Variants in DNAJB6 observed in about 807,000 individuals in gnomAD.
DNAJB6 encodes the protein dnaJ homolog subfamily B member 6.
Under a neutral mutation model 42.7 loss-of-function variants are expected in DNAJB6, and 16 were observed. The ratio of observed to expected loss-of-function variants is 0.37; its 90% CI spans 0.25 to 0.57. DNAJB6 has a LOEUF of 0.57. DNAJB6 is among the 20% of genes least tolerant of loss of function. The probability of loss-of-function intolerance (pLI) is 0.74; values close to 1 mark genes in which losing one functional copy is unlikely to be tolerated. For synonymous variants in DNAJB6, 170 were observed against 163.5 expected (o/e 1.04, Z -0.30); for missense variants, 347 against 416.8 (o/e 0.83, Z 1.46).
chr7:157,398,092 G>A (rs951141448), intron 8 of DNAJB6, among the ~76,000 whole-genome samples: 1 of 152,202 alleles, frequency 6.6e-6, no homozygotes, highest in African/African-American at 2.4e-5. Flanking sequence ...TTCCCCAGCA[G>A]ATGGCGTCTG....
In DNAJB6 at chr7:157,367,373, GTGGAAGTCATTT is replaced by G; in HGVS notation, c.239_250del (p.Gly80_Phe83del). The G allele has an allele frequency of 1.9e-6, 3 of 1,596,590 alleles. No homozygotes were observed. Among genetic ancestry groups the G allele is most frequent in the Non-Finnish European group, 2.6e-6 (3 of 1,164,170 alleles). On this transcript the variant is annotated inframe_deletion and splice_region_variant, in exon 5 of 10. Transcript: ENST00000262177. ...TAAAAGCTGTGTTGTATTTGTGCAGGTGGAAGTCATTTTGACAGTCCATTTGAATTTGGCTTC... is the reference window on the plus strand; with the variant it reads ...TAAAAGCTGTGTTGTATTTGTGCAGGTGACAGTCCATTTGAATTTGGCTTC...
intron 8 of DNAJB6, among the ~76,000 whole-genome samples, chr7:157,396,215 C>T (rs1266632635): frequency 6.6e-6 from 1 of 152,208 alleles, no homozygotes; most frequent in Non-Finnish European, 1.5e-5. Context: ...TCCCAAAGTG[C>T]TGGGATTACA....
chr7:157,364,985 TCTGTTG>T (rs1204044656), intron 3 of DNAJB6, among the ~76,000 whole-genome samples: 1 of 152,238 alleles, frequency 6.6e-6, no homozygotes, highest in Non-Finnish European at 1.5e-5. Flanking sequence ...GGGGTCTCAC[TCTGTTG>T]CCCAGGCTGG....
At chr7:157,380,228 C>G (rs909874395) in intron 5 of DNAJB6, 1 of 152,118 alleles carries the variant, frequency 6.6e-6, no homozygotes, top group African/African-American at 2.4e-5. Flanking sequence ...GTTGTAGATA[C>G]GTGAGATAGA....
intron 9 of DNAJB6, among the ~76,000 whole-genome samples, chr7:157,415,743 A>G (rs1006101287): frequency 2.6e-5 from 4 of 152,022 alleles, no homozygotes; most frequent in Non-Finnish European, 4.4e-5. Context: ...GGGTAGTCCC[A>G]GGGTGGGCTT....
At chr7:157,360,561 T>C (rs1333283979) in intron 2 of DNAJB6, among the ~76,000 whole-genome samples, 1 of 152,234 alleles carries the variant, frequency 6.6e-6, no homozygotes, top group Non-Finnish European at 1.5e-5. Flanking sequence ...GGTTGCTGAG[T>C]GTCTCTAGCA....
chr7:157,361,352 T>C (rs1303464386), intron 2 of DNAJB6, among the ~76,000 whole-genome samples: 1 of 151,982 alleles, frequency 6.6e-6, no homozygotes, highest in Non-Finnish European at 1.5e-5. Flanking sequence ...AGAGACGGGG[T>C]TTCACCATGT....
chr7:157,356,450 T>C (rs1037942835), intron 1 of DNAJB6, among the ~76,000 whole-genome samples: 6 of 152,332 alleles, frequency 3.9e-5, no homozygotes, highest in African/African-American at 1.2e-4. Context: ...CTCCTGTCTT[T>C]TCTCTAGAGA....
At chr7:157,405,075 TG>T (rs760963555) in intron 8 of DNAJB6, among the ~76,000 whole-genome samples, 12 of 152,184 alleles carry the variant, frequency 7.9e-5, no homozygotes, top group Non-Finnish European at 1.3e-4. Flanking sequence ...GCAGGGTCCT[TG>T]GGTCACTGAC....
chr7:157,342,377 G>A (rs905894369), intron 1 of DNAJB6, among the ~76,000 whole-genome samples: 2 of 82,208 alleles, frequency 2.4e-5, no homozygotes, highest in Non-Finnish European at 4.5e-5. Flanking sequence ...CACTCTTGTT[G>A]CCCAGGCTGG....
chr7:157,357,520 A>G (rs1390273188), intron 1 of DNAJB6, among the ~76,000 whole-genome samples: 1 of 151,610 alleles, frequency 6.6e-6, no homozygotes, highest in Non-Finnish European at 1.5e-5. Context: ...CATGTTGGCC[A>G]GGCTGATCTC....
At chr7:157,394,163 T>C (rs1801478455) in intron 8 of DNAJB6, among the ~76,000 whole-genome samples, 1 of 152,262 alleles carries the variant, frequency 6.6e-6, no homozygotes, top group Non-Finnish European at 1.5e-5. Flanking sequence ...AGAATTGTTT[T>C]TAAGTTCGAC....
chr7:157,369,374 T>C (rs9692250), intron 5 of DNAJB6: 274,118 of 456,458 alleles, frequency 0.6, 83,540 homozygotes, highest in East Asian at 0.77. Flanking sequence ...GGGCAGTGTT[T>C]GGGTTGAAGT....
At chr7:157,375,550 C>T (rs1353166110) in intron 5 of DNAJB6, among the ~76,000 whole-genome samples, 2 of 152,168 alleles carry the variant, frequency 1.3e-5, no homozygotes, top group South Asian at 2.1e-4. Flanking sequence ...ACAAATATGG[C>T]GTGCCTGCTG....
rs377538468 is a variant in DNAJB6 at position 157,351,484 on chromosome 7, T to G, written c.-26-7063T>G. On this transcript the variant is annotated intron_variant, in intron 1 of 9. Coordinates refer to ENST00000262177, the MANE Select transcript of DNAJB6 (RefSeq NM_058246.4). ...CTCTACTAAAAATACAAAAAAAAAA[T>G]TGGCCAGGTGTGGTGGTGGATGCCT... Among the ~76,000 whole-genome samples the G allele has an allele frequency of 8.7e-4, 131 of 150,160 alleles. 2 individuals carry two copies. Among genetic ancestry groups the G allele is most frequent in the Admixed American group, 4.3e-3 (65 of 15,042 alleles).
At chr7:157,372,525 A>T (rs140645388) in intron 5 of DNAJB6, among the ~76,000 whole-genome samples, 1 of 152,208 alleles carries the variant, frequency 6.6e-6, no homozygotes, top group African/African-American at 2.4e-5. Context: ...GACTTAAAAC[A>T]GTGTATCTAG....
intron 8 of DNAJB6, among the ~76,000 whole-genome samples, chr7:157,389,646 A>G (rs1032324664): frequency 1.3e-5 from 2 of 152,180 alleles, no homozygotes; most frequent in Non-Finnish European, 2.9e-5. Flanking sequence ...AGTGTGACCA[A>G]TGGTTGAAAT....
intron 1 of DNAJB6, among the ~76,000 whole-genome samples, chr7:157,351,610 G>GTGACA (rs1184506726): frequency 6.6e-6 from 1 of 151,140 alleles, no homozygotes; most frequent in African/African-American, 2.4e-5. Context: ...TCCAGCCTGG[G>GTGACA]TGACATAGTG....
chr7:157,412,690 T>C (rs1796011373), intron 9 of DNAJB6: 1 of 152,204 alleles, frequency 6.6e-6, no homozygotes, highest in African/African-American at 2.4e-5. Context: ...GTAAAAGGAA[T>C]ACAGTGAGGA....
Sources: allele counts gnomAD v4.1 joint callset (sites outside exome capture counted in the v4.1 genomes callset), GRCh38; gene constraint gnomAD v4.1.1; transcripts MANE v1.5; gene names NCBI Gene and HGNC (gene_info 2026-07-23, HGNC 2026-07-21).